The following RIMS2 variants were observed in gnomAD, a reference collection of about 807,000 sequenced individuals.
The protein encoded by RIMS2 is regulating synaptic membrane exocytosis protein 2.
In RIMS2, 59 loss-of-function variants were observed where a neutral mutation model predicts 174.4. The observed-to-expected ratio is 0.34, with a 90% CI of 0.27 to 0.42. The LOEUF is 0.42. RIMS2 is among the 10% of genes least tolerant of loss of function. The pLI is 1.00. For synonymous variants in RIMS2, 606 were observed against 572.5 expected, an observed-to-expected ratio of 1.06 and a Z score of -0.84; for missense variants, 1,620 against 1,666.3, an observed-to-expected ratio of 0.97 and a Z score of 0.48.
intron 9 of RIMS2, chr8:103,920,598 T>C (rs758288056): frequency 1.8e-5 from 8 of 455,272 alleles, no homozygotes; most frequent in Non-Finnish European, 2.7e-5. Context: ...CCATCTGTAC[T>C]TCCACATACC....
At position 104,014,145 on chromosome 8, in the gene RIMS2, G is replaced by A. The variant is rs2095839988; in HGVS notation, c.3225-361G>A. 2.0e-5 allele frequency among the ~76,000 whole-genome samples: 3 copies of A among 152,080 alleles called. No individual in the cohort carries two copies. The South Asian group carries it at 6.2e-4, about 32-fold the overall frequency. ...AAAAATCTCTGGATCAAGGGAGAAA[G>A]GTTAGTGCTGAAAGTTTGAAATCTG... On this transcript the variant is annotated intron_variant, in intron 18 of 23. Coordinates refer to ENST00000504942, the Ensembl canonical transcript of RIMS2.
intron 3 of RIMS2, chr8:103,819,417 G>T: frequency 6.3e-7 from 1 of 1,584,182 alleles, no homozygotes. Flanking sequence ...AACTTGATTG[G>T]CGTGTTTTTA....
intron 19 of RIMS2, among the ~76,000 whole-genome samples, chr8:104,082,623 C>G (rs2097444941): frequency 6.6e-6 from 1 of 151,972 alleles, no homozygotes; most frequent in Non-Finnish European, 1.5e-5. Flanking sequence ...TTGGCTGGGA[C>G]AAGATTGTGG....
intron 1 of RIMS2, among the ~76,000 whole-genome samples, chr8:103,611,512 C>T (rs1438152855): frequency 6.7e-6 from 1 of 150,006 alleles, no homozygotes; most frequent in African/African-American, 2.5e-5. Context: ...CATCCCTCAG[C>T]CTTTGTTTGT....
intron 1 of RIMS2, among the ~76,000 whole-genome samples, chr8:103,638,295 CA>C (rs980473139): frequency 6.6e-6 from 1 of 151,974 alleles, no homozygotes; most frequent in Admixed American, 6.6e-5. Context: ...TGAGGCTATG[CA>C]AATATTGCTT....
chr8:104,235,151 C>G (rs1237413694), intron 19 of RIMS2, among the ~76,000 whole-genome samples: 1 of 152,064 alleles, frequency 6.6e-6, no homozygotes, highest in Non-Finnish European at 1.5e-5. Context: ...TGAGTCTCAA[C>G]ACTACCCATA....
chr8:103,817,250 T>TA (rs565043558), intron 3 of RIMS2, among the ~76,000 whole-genome samples: 1 of 152,188 alleles, frequency 6.6e-6, no homozygotes, highest in Non-Finnish European at 1.5e-5. Flanking sequence ...TTGCTCTAAC[T>TA]AAAATACCCT....
intron 3 of RIMS2, among the ~76,000 whole-genome samples, chr8:103,803,471 T>A (rs952107442): frequency 2.0e-5 from 3 of 152,120 alleles, no homozygotes; most frequent in African/African-American, 4.8e-5. Context: ...TAGAAATAAC[T>A]GATAAAAAAA....
intron 19 of RIMS2, among the ~76,000 whole-genome samples, chr8:104,112,256 C>T (rs2098198077): frequency 2.0e-5 from 3 of 151,962 alleles, no homozygotes; most frequent in African/African-American, 4.8e-5. Flanking sequence ...ACCTCATTTC[C>T]TGTTATACTT....
chr8:103,937,999 C>T (rs947899196), intron 13 of RIMS2, among the ~76,000 whole-genome samples: 1 of 152,130 alleles, frequency 6.6e-6, no homozygotes, highest in African/African-American at 2.4e-5. Context: ...CAGGCACCCA[C>T]CCCCATGCCC....
intron 1 of RIMS2, among the ~76,000 whole-genome samples, chr8:103,648,299 C>T (rs1564151816): frequency 6.6e-6 from 1 of 152,152 alleles, no homozygotes; most frequent in Non-Finnish European, 1.5e-5. Flanking sequence ...GTTATTATTT[C>T]AGTTCTTTTA....
intron 1 of RIMS2, among the ~76,000 whole-genome samples, chr8:103,681,149 G>A (rs113392891): frequency 9.1e-4 from 138 of 152,040 alleles, no homozygotes; most frequent in African/African-American, 3.2e-3. Context: ...TAAAGAGCAC[G>A]AACTCTTGGA....
chr8:104,012,402 GTTGAGATAACTTA>G (rs2095792611), intron 17 of RIMS2, among the ~76,000 whole-genome samples: 1 of 149,764 alleles, frequency 6.7e-6, no homozygotes. Flanking sequence ...CCAAAATAAG[GTTGAGATAACTTA>G]TAGGTAAAGT....
At chr8:103,927,966 A>C in intron 11 of RIMS2, 1 of 1,186,016 alleles carries the variant, frequency 8.4e-7, no homozygotes, top group Non-Finnish European at 1.2e-6. Context: ...ATGCGTTAGT[A>C]GGAAAACTTT....
intron 1 of RIMS2, among the ~76,000 whole-genome samples, chr8:103,561,399 T>C (rs1426504553): frequency 6.6e-6 from 1 of 152,214 alleles, no homozygotes; most frequent in Non-Finnish European, 1.5e-5. Context: ...AAATAGCTAC[T>C]TTAACACTTG....
chr8:103,652,569 A>G lies in RIMS2; in HGVS notation c.177-44517A>G, dbSNP rs546250940. On this transcript the variant is annotated intron_variant, in intron 1 of 23. Coordinates refer to ENST00000504942, the Ensembl canonical transcript of RIMS2. ...TTTTATTATGGATAAGAAAACGTTA[A>G]CCTACATTGTTATTCATTTGGTTAT... The G allele has an allele frequency of 6.6e-4, 624 of 943,240 alleles. 3 individuals are homozygous for G. The highest frequency in any genetic ancestry group is 2.0e-4 in the Admixed American group (9 of 45,302). The allele number at this position is 943,240 out of a possible 1,614,324, so 58.4% of individuals were successfully genotyped here. A position where few individuals can be genotyped will look rare whatever the true frequency, so the allele number is the denominator to read the frequency against.
intron 7 of RIMS2, 130 bp from the exon 11 acceptor site, chr8:103,916,284 C>G: frequency 1.8e-6 from 1 of 545,012 alleles, no homozygotes; most frequent in Non-Finnish European, 3.1e-6. Flanking sequence ...AACTGTTGTT[C>G]TCAGTATGTT....
At chr8:104,194,849 G>C (rs1358481764) in intron 19 of RIMS2, among the ~76,000 whole-genome samples, 1 of 152,194 alleles carries the variant, frequency 6.6e-6, no homozygotes, top group Non-Finnish European at 1.5e-5. Flanking sequence ...AAGGAGCAAA[G>C]AGGACATGCC....
intron 1 of RIMS2, among the ~76,000 whole-genome samples, chr8:103,652,911 T>C (rs2135881357): frequency 6.6e-6 from 1 of 151,050 alleles, no homozygotes; most frequent in African/African-American, 2.4e-5. Flanking sequence ...GAAGAGGTAA[T>C]TCCCCCCACC....
Sources: gnomAD v4.1 joint callset for allele counts (sites outside exome capture counted in the v4.1 genomes callset) on GRCh38, gnomAD v4.1.1 for gene constraint, MANE v1.5 for transcripts, NCBI Gene and HGNC (gene_info 2026-07-23, HGNC 2026-07-21) for gene names.